The following ELL variants were observed in gnomAD, a reference collection of about 807,000 sequenced individuals.
ELL encodes the protein RNA polymerase II elongation factor ELL.
ELL carries 18 observed loss-of-function variants against 64.0 expected under a neutral mutation model. That is an observed-to-expected ratio of 0.28 (90% CI 0.19 to 0.42). ELL has a LOEUF of 0.42. Ranked by LOEUF, ELL falls within the 10% of genes least tolerant of loss-of-function variation. The pLI is 1.00. For missense variants in ELL, 797 were observed against 870.4 expected (o/e 0.92, Z 1.06); for synonymous variants, 399 against 376.2 (o/e 1.06, Z -0.70).
At chr19:18,510,141 G>A (rs1975986813) in intron 1 of ELL, among the ~76,000 whole-genome samples, 1 of 152,210 alleles carries the variant, frequency 6.6e-6, no homozygotes, top group African/African-American at 2.4e-5. Context: ...GCCAAGGTGG[G>A]TGGATCACTT....
rs562208147 is a variant in ELL, at chr19:18,461,214, C to T, written c.744+364G>A. On this transcript the variant is annotated intron_variant, in intron 5 of 11. Transcript: ENST00000262809. ...GAGGCCTGCCAGGCTCTGCCAGGCA[C>T]GTGTAGATTCCTTCCCCAGGCCTTG... Among the ~76,000 whole-genome samples, 7 of 152,332 alleles carry T rather than the reference C, an allele frequency of 4.6e-5. No individual in the cohort carries two copies. In the South Asian group the frequency reaches 6.2e-4, roughly 14 times the overall value.
rs1021187996 is a variant in ELL at position 18,446,576 on chromosome 19, C to T, written c.1533-96G>A. 53 of 1,521,442 alleles carry T rather than the reference C, an allele frequency of 3.5e-5. No individual in the cohort carries two copies. The African/African-American group carries it at 4.2e-4, about 12-fold the overall frequency. 94.2% of individuals were successfully genotyped at this position (1,521,442 alleles called of 1,614,324 possible). On this transcript the variant is annotated intron_variant, in intron 9 of 11. Transcript: ENST00000262809. ...TGGCTCCACCGGCGGCCTGGCCTCTCGGGTGATTCCCTGGATTATGAGGGG... is the reference window on the plus strand; with the variant it reads ...TGGCTCCACCGGCGGCCTGGCCTCTTGGGTGATTCCCTGGATTATGAGGGG...
At chr19:18,446,510 G>A (rs780607644) in intron 9 of ELL, 30 bp from the exon 10 acceptor site, 1 of 1,602,362 alleles carries the variant, frequency 6.2e-7, no homozygotes, top group South Asian at 1.1e-5. Flanking sequence ...CCACTGAGTG[G>A]AGGCTGGAAG....
At chr19:18,518,099 A>G (rs1427895430) in intron 1 of ELL, among the ~76,000 whole-genome samples, 1 of 152,000 alleles carries the variant, frequency 6.6e-6, no homozygotes, top group Non-Finnish European at 1.5e-5. Context: ...GCATGCCTGT[A>G]ATCCCAGCTA....
At chr19:18,460,973 A>AG (rs1237600338) in intron 5 of ELL, among the ~76,000 whole-genome samples, 3 of 151,994 alleles carry the variant, frequency 2.0e-5, no homozygotes, top group Non-Finnish European at 4.4e-5. Context: ...TCCATGGGTG[A>AG]GGGGGGTGGA....
intron 4 of ELL, among the ~76,000 whole-genome samples, chr19:18,464,358 C>G (rs1974893187): frequency 6.6e-6 from 1 of 152,184 alleles, no homozygotes; most frequent in Non-Finnish European, 1.5e-5. Context: ...AGAGAAAGGT[C>G]CTGTCTTTAA....
At chr19:18,475,464 G>C (rs991416388) in intron 1 of ELL, among the ~76,000 whole-genome samples, 1 of 135,678 alleles carries the variant, frequency 7.4e-6, no homozygotes, top group African/African-American at 3.4e-5. Flanking sequence ...GTTAAACAAA[G>C]GGTTAAACAC....
rs760597419 is a variant in ELL, at chr19:18,522,051, G to A, written c.5C>T (p.Ala2Val). The A allele has an allele frequency of 1.9e-6, 3 of 1,601,160 alleles. No individual in the cohort carries two copies. The highest frequency in any genetic ancestry group is 2.6e-6 in the Non-Finnish European group (3 of 1,172,730). ...GTAGCTCCTATCCTCCTTCAGCGCC[G>A]CCATCTTGCGACCATCTCTCCCCCG... M[A>V]ALKEDRSYGL... is the part of the protein sequence containing the mutation. The change falls in exon 1 of 12, where the codon GCG becomes GTG. Residue 2 changes from alanine to valine, a missense_variant. Ala to Val is a moderately conservative substitution (Grantham distance 64). Coordinates refer to ENST00000262809, the MANE Select transcript of ELL (RefSeq NM_006532.4).
intron 5 of ELL, among the ~76,000 whole-genome samples, chr19:18,461,025 T>C (rs1229462227): frequency 2.0e-5 from 3 of 151,926 alleles, no homozygotes; most frequent in Non-Finnish European, 4.4e-5. Context: ...GCCCGGGGTG[T>C]TTCTCAAGAG....
At chr19:18,496,807 T>TA (rs1379752154) in intron 1 of ELL, among the ~76,000 whole-genome samples, 1 of 152,178 alleles carries the variant, frequency 6.6e-6, no homozygotes, top group African/African-American at 2.4e-5. Flanking sequence ...ATCACTTCAA[T>TA]AATATAAAAA....
At chr19:18,445,710 A>T (rs1279882783) in intron 10 of ELL, among the ~76,000 whole-genome samples, 2 of 152,158 alleles carry the variant, frequency 1.3e-5, no homozygotes, top group Non-Finnish European at 2.9e-5. Context: ...ATCAGGGCCC[A>T]GCCCTGTAGT....
At chr19:18,476,664 C>T (rs1037906604) in intron 1 of ELL, among the ~76,000 whole-genome samples, 1 of 152,206 alleles carries the variant, frequency 6.6e-6, no homozygotes, top group Non-Finnish European at 1.5e-5. Flanking sequence ...ACAGAGCCAG[C>T]CTTTCTCTAT....
intron 1 of ELL, among the ~76,000 whole-genome samples, chr19:18,509,841 T>C (rs1975978843): frequency 6.6e-6 from 1 of 152,090 alleles, no homozygotes; most frequent in African/African-American, 2.4e-5. Flanking sequence ...CAGTGGGCTG[T>C]CCCTGACCTG....
At chr19:18,515,647 G>A (rs996587821) in intron 1 of ELL, among the ~76,000 whole-genome samples, 5 of 152,348 alleles carry the variant, frequency 3.3e-5, no homozygotes, top group Middle Eastern at 3.4e-3. Flanking sequence ...TTGGGGGAGG[G>A]GGTCCAGCAT....
chr19:18,479,874 C>G (rs1033675516), intron 1 of ELL, among the ~76,000 whole-genome samples: 1 of 152,070 alleles, frequency 6.6e-6, no homozygotes, highest in African/African-American at 2.4e-5. Flanking sequence ...CAATGAGGCC[C>G]AAGGCAGCAG....
At chr19:18,470,575 G>A (rs1267212472) in intron 2 of ELL, among the ~76,000 whole-genome samples, 1 of 152,258 alleles carries the variant, frequency 6.6e-6, no homozygotes, top group Non-Finnish European at 1.5e-5. Context: ...ATGGAAGTGT[G>A]GGGTTGTGTC....
At chr19:18,466,699 C>T (rs954063985) in intron 2 of ELL, among the ~76,000 whole-genome samples, 14 of 152,222 alleles carry the variant, frequency 9.2e-5, no homozygotes. Context: ...ACCCCAGACC[C>T]TCTGTCAACA....
At chr19:18,461,555 C>G in intron 5 of ELL, 23 bp downstream of exon 5, 1 of 1,577,294 alleles carries the variant, frequency 6.3e-7, no homozygotes, top group Non-Finnish European at 8.6e-7. Context: ...CTGGTAAAGA[C>G]AAGACATCGG....
intron 1 of ELL, among the ~76,000 whole-genome samples, chr19:18,518,773 A>T (rs1976186510): frequency 6.6e-6 from 1 of 151,844 alleles, no homozygotes; most frequent in Non-Finnish European, 1.5e-5. Flanking sequence ...CTTGGGCGAC[A>T]GGGCAAGACC....
Sources: gnomAD v4.1 joint callset for allele counts (sites outside exome capture counted in the v4.1 genomes callset) on GRCh38, gnomAD v4.1.1 for gene constraint, MANE v1.5 for transcripts, NCBI Gene and HGNC (gene_info 2026-07-23, HGNC 2026-07-21) for gene names.